The following ZNF469 variants were observed in gnomAD, a reference collection of about 807,000 sequenced individuals.
ZNF469 encodes the protein zinc finger protein 469.
In ZNF469, 1 loss-of-function variant was observed where a neutral mutation model predicts 1.0. That is an observed-to-expected ratio of 1.00 (90% CI 0.35 to 4.73). The LOEUF is 4.73. Ranked by LOEUF, ZNF469 falls within the 30% of genes most tolerant of loss-of-function variation. ZNF469 has a pLI of 0.16. For synonymous variants in ZNF469, 2,703 were observed against 2,363.4 expected, an observed-to-expected ratio of 1.14 and a Z score of -4.17; for missense variants, 6,100 against 5,356.3, an observed-to-expected ratio of 1.14 and a Z score of -4.33.
At chr16:88,422,908 ACG>A (rs1367327968) in intron 1 of ZNF469, among the ~76,000 whole-genome samples, 8 of 140,514 alleles carry the variant, frequency 5.7e-5, no homozygotes, top group Non-Finnish European at 7.7e-5. Flanking sequence ...GGACAGACGG[ACG>A]GATGGGTGGA....
chr16:88,229,594 G>GTGCT, the ZNF469 span, among the ~76,000 whole-genome samples: 2 of 108,130 alleles, frequency 1.8e-5, no homozygotes, highest in Non-Finnish European at 4.4e-5. Context: ...TCACGCGTGT[G>GTGCT]GATGTCACGC....
At chr16:88,334,778 C>T in the ZNF469 span, among the ~76,000 whole-genome samples, 24 of 152,218 alleles carry the variant, frequency 1.6e-4, no homozygotes, top group East Asian at 4.1e-3. Context: ...AAGATGCCGA[C>T]GGGAGGACAC....
At chr16:88,222,830 C>G in the ZNF469 span, among the ~76,000 whole-genome samples, 1 of 152,088 alleles carries the variant, frequency 6.6e-6, no homozygotes, top group Non-Finnish European at 1.5e-5. Flanking sequence ...AACTCCTGGC[C>G]TCAAACGATC....
chr16:88,285,323 G>A, the ZNF469 span, among the ~76,000 whole-genome samples: 1 of 152,278 alleles, frequency 6.6e-6, no homozygotes, highest in Non-Finnish European at 1.5e-5. Flanking sequence ...TCTGAGCAGG[G>A]CCCACTGCTG....
chr16:88,344,450 A>G, the ZNF469 span, among the ~76,000 whole-genome samples: 26,775 of 151,988 alleles, frequency 0.18, 2,784 homozygotes, highest in Non-Finnish European at 0.24. Context: ...TGAAATTAAG[A>G]GTTTATTGAA....
intron 1 of ZNF469, among the ~76,000 whole-genome samples, chr16:88,399,531 C>G (rs1405060322): frequency 6.6e-6 from 1 of 152,150 alleles, no homozygotes; most frequent in Non-Finnish European, 1.5e-5. Flanking sequence ...CAGGGGCAGA[C>G]AGAGCCACCT....
the ZNF469 span, among the ~76,000 whole-genome samples, chr16:88,226,389 C>T: frequency 6.6e-6 from 1 of 152,056 alleles, no homozygotes; most frequent in African/African-American, 2.4e-5. Flanking sequence ...CAGAGGCTGG[C>T]GTGGTGCAGC....
the ZNF469 span, among the ~76,000 whole-genome samples, chr16:88,341,313 G>T: frequency 6.6e-6 from 1 of 152,148 alleles, no homozygotes. Context: ...CCCAGGAGGC[G>T]CATGGGCCAG....
chr16:88,308,051 A>G, the ZNF469 span, among the ~76,000 whole-genome samples: 5 of 152,224 alleles, frequency 3.3e-5, no homozygotes, highest in African/African-American at 1.2e-4. Flanking sequence ...TCTTTTGCAC[A>G]TGGATATCCA....
chr16:88,229,396 C>T, the ZNF469 span, among the ~76,000 whole-genome samples: 6 of 152,138 alleles, frequency 3.9e-5, no homozygotes, highest in Admixed American at 2.0e-4. Context: ...GAGGACTTAA[C>T]GATGATCTGG....
At chr16:88,300,481 C>T in the ZNF469 span, among the ~76,000 whole-genome samples, 1 of 152,184 alleles carries the variant, frequency 6.6e-6, no homozygotes, top group South Asian at 2.1e-4. Flanking sequence ...ACACTGCTCA[C>T]AGGCGCCATG....
chr16:88,392,594 T>A (rs1167302224), intron 1 of ZNF469, among the ~76,000 whole-genome samples: 2 of 152,368 alleles, frequency 1.3e-5, no homozygotes, highest in Non-Finnish European at 1.5e-5. Flanking sequence ...GGTCTGCATC[T>A]GAGGCTGCTC....
chr16:88,257,042 A>G, the ZNF469 span, among the ~76,000 whole-genome samples: 1 of 147,488 alleles, frequency 6.8e-6, no homozygotes, highest in Non-Finnish European at 1.5e-5. Context: ...TCCGCCTCCT[A>G]GGTTCAAGTG....
chr16:88,137,879 T>C, the ZNF469 span, among the ~76,000 whole-genome samples: 1 of 152,172 alleles, frequency 6.6e-6, no homozygotes, highest in East Asian at 1.9e-4. Context: ...AGACCATGGC[T>C]AGCCCAGGGA....
At chr16:88,380,118 CACAA>C (rs556756148), upstream of ZNF469, among the ~76,000 whole-genome samples, 1,181 of 127,012 alleles carry the variant, frequency 9.3e-3, 18 homozygotes, top group African/African-American at 0.045. Context: ...TGCACTCATA[CACAA>C]ACACACACAC....
the ZNF469 span, among the ~76,000 whole-genome samples, chr16:88,298,784 C>T: frequency 6.6e-6 from 1 of 152,122 alleles, no homozygotes; most frequent in African/African-American, 2.4e-5. Flanking sequence ...TGCATTCCAT[C>T]CTTAAATAGA....
chr16:88,361,498 T>G, the ZNF469 span, among the ~76,000 whole-genome samples: 53 of 152,370 alleles, frequency 3.5e-4, 1 homozygote, highest in Admixed American at 2.9e-3. Context: ...CACCTTTCCA[T>G]GTGCTTATTG....
the ZNF469 span, among the ~76,000 whole-genome samples, chr16:88,204,486 C>T: frequency 1.3e-5 from 2 of 152,370 alleles, no homozygotes; most frequent in South Asian, 2.1e-4. Flanking sequence ...ACCGCTAGGC[C>T]CTCCTCGTCC....
chr16:88,295,424 T>C, the ZNF469 span, among the ~76,000 whole-genome samples: 1 of 136,690 alleles, frequency 7.3e-6, no homozygotes, highest in Non-Finnish European at 1.6e-5. Flanking sequence ...GGGGAGGACG[T>C]CATCTCGGGC....
Sources: allele counts gnomAD v4.1 joint callset (sites outside exome capture counted in the v4.1 genomes callset), GRCh38; gene constraint gnomAD v4.1.1; transcripts MANE v1.5; gene names NCBI Gene and HGNC (gene_info 2026-07-23, HGNC 2026-07-21).